The following AUH variants were observed in gnomAD, a reference collection of about 807,000 sequenced individuals.
AUH encodes the protein AU RNA binding methylglutaconyl-CoA hydratase, also known as methylglutaconyl-CoA hydratase, mitochondrial.
A neutral mutation model predicts 42.3 loss-of-function variants in AUH; 29 were observed. That is an observed-to-expected ratio of 0.69 (90% CI 0.51 to 0.93). The LOEUF is 0.93. AUH is among the 40% of genes least tolerant of loss of function. The pLI is 0.00. For synonymous variants in AUH, 174 were observed against 166.4 expected (o/e 1.05, Z -0.35); for missense variants, 452 against 438.1 (o/e 1.03, Z -0.28).
chr9:91,249,350 T>C (rs988261355), intron 6 of AUH, among the ~76,000 whole-genome samples: 1 of 142,986 alleles, frequency 7.0e-6, no homozygotes, highest in Non-Finnish European at 1.5e-5. Flanking sequence ...AACACTGACC[T>C]GGAGTTCTGT....
At position 91,325,317 on chromosome 9, in the gene AUH, C is replaced by G. The variant is rs773652620; in HGVS notation, c.505+1G>C. The G allele has an allele frequency of 4.3e-6, 7 of 1,612,138 alleles. No homozygotes were observed. The South Asian group carries it at 6.6e-5, about 15-fold the overall frequency. Reference sequence around the variant, plus strand: ...TGAAAGAAGAACTTAATAGTGCTTACCAATATCGTTAATCACTGCTCTTAT... The same window carrying G: ...TGAAAGAAGAACTTAATAGTGCTTAGCAATATCGTTAATCACTGCTCTTAT... On this transcript the variant is annotated splice_donor_variant, in intron 4 of 9. Coordinates refer to ENST00000375731, the MANE Select transcript of AUH (RefSeq NM_001698.3). LOFTEE classifies it high-confidence loss of function.
chr9:91,351,896 G>A (rs7871022), intron 3 of AUH, among the ~76,000 whole-genome samples: 2 of 152,202 alleles, frequency 1.3e-5, no homozygotes, highest in South Asian at 2.1e-4. Context: ...TACAGTGACT[G>A]TATTGAATGC....
At chr9:91,339,293 A>T (rs1830924407) in intron 3 of AUH, among the ~76,000 whole-genome samples, 1 of 152,222 alleles carries the variant, frequency 6.6e-6, no homozygotes, top group South Asian at 2.1e-4. Context: ...AAATTGAAAA[A>T]TCGCTAAGTC....
At chr9:91,274,492 C>A (rs1318468486) in intron 6 of AUH, among the ~76,000 whole-genome samples, 7 of 152,168 alleles carry the variant, frequency 4.6e-5, no homozygotes. Context: ...AAACTCAAAT[C>A]CTTTAGGATT....
At chr9:91,246,404 A>G in intron 6 of AUH, among the ~76,000 whole-genome samples, 1 of 152,232 alleles carries the variant, frequency 6.6e-6, no homozygotes, top group Non-Finnish European at 1.5e-5. Flanking sequence ...AGGCACACAC[A>G]TGGCATCCTA....
intron 6 of AUH, among the ~76,000 whole-genome samples, chr9:91,283,522 G>T (rs1375112275): frequency 6.6e-6 from 1 of 152,198 alleles, no homozygotes; most frequent in Non-Finnish European, 1.5e-5. Flanking sequence ...AAGTCAAATT[G>T]TCCCTGTTTG....
intron 9 of AUH, among the ~76,000 whole-genome samples, chr9:91,214,661 G>T (rs996559709): frequency 7.2e-5 from 11 of 152,096 alleles, no homozygotes; most frequent in Non-Finnish European, 1.5e-4. Flanking sequence ...TATCGATTTA[G>T]ATATTTTCTC....
chr9:91,269,428 G>C (rs1018090018), intron 6 of AUH, among the ~76,000 whole-genome samples: 2 of 152,200 alleles, frequency 1.3e-5, no homozygotes, highest in African/African-American at 4.8e-5. Context: ...CAAAAACTAT[G>C]TAGTGACAGA....
intron 6 of AUH, among the ~76,000 whole-genome samples, chr9:91,276,511 T>C (rs142685035): frequency 6.0e-4 from 92 of 152,274 alleles, no homozygotes; most frequent in African/African-American, 2.0e-3. Flanking sequence ...AATGTGACTT[T>C]AATAAAATTA....
intron 6 of AUH, among the ~76,000 whole-genome samples, chr9:91,262,412 G>A (rs978231382): frequency 1.3e-5 from 2 of 152,114 alleles, no homozygotes; most frequent in Non-Finnish European, 2.9e-5. Context: ...CAGCTATTAC[G>A]GTCTTCCCTC....
In AUH at chr9:91,271,349, G is replaced by A. The variant is rs138087249; in HGVS notation, c.655+24672C>T. ...TACATGCAGCTGGTGTCAACCTTCCGTAAATTTCAATCAAAGCTTGACAGC... is the reference window on the plus strand; with the variant it reads ...TACATGCAGCTGGTGTCAACCTTCCATAAATTTCAATCAAAGCTTGACAGC... On this transcript the variant is annotated intron_variant, in intron 6 of 9. Transcript: ENST00000375731. Among the ~76,000 whole-genome samples, 25 of 152,290 alleles carry A rather than the reference G, an allele frequency of 1.6e-4. No homozygotes were observed. In the East Asian group the frequency reaches 4.1e-3, roughly 25 times the overall value.
At position 91,233,727 on chromosome 9, in the gene AUH, C is replaced by T. The variant is rs572074631; in HGVS notation, c.656-12735G>A. Among the ~76,000 whole-genome samples, 10 of 152,278 alleles carry T rather than the reference C, an allele frequency of 6.6e-5. No homozygotes were observed. The South Asian group carries it at 1.0e-3, about 16-fold the overall frequency. ...GGCTACAAAGATCAATAACAAGTAACGCCAGCCTGAGGCTGGACAGGCAGT... is the reference window on the plus strand; with the variant it reads ...GGCTACAAAGATCAATAACAAGTAATGCCAGCCTGAGGCTGGACAGGCAGT... On this transcript the variant is annotated intron_variant, in intron 6 of 9. Coordinates refer to ENST00000375731, the MANE Select transcript of AUH (RefSeq NM_001698.3).
At chr9:91,320,620 G>A (rs142989289) in intron 4 of AUH, among the ~76,000 whole-genome samples, 6 of 152,314 alleles carry the variant, frequency 3.9e-5, no homozygotes, top group Admixed American at 6.5e-5. Flanking sequence ...GGGACTGCCC[G>A]ATTCATAAAT....
intron 3 of AUH, among the ~76,000 whole-genome samples, chr9:91,347,825 GA>G (rs57858839): frequency 4.8e-5 from 7 of 147,038 alleles, no homozygotes; most frequent in Middle Eastern, 3.6e-3. Context: ...ACCATAAAAG[GA>G]AAAAAAAATG....
intron 6 of AUH, among the ~76,000 whole-genome samples, chr9:91,286,130 A>G (rs994337203): frequency 4.6e-5 from 7 of 152,206 alleles, no homozygotes; most frequent in South Asian, 2.1e-4. Context: ...AGGATATTTA[A>G]AAGAATAAGC....
At chr9:91,223,134 C>T (rs777653856) in intron 6 of AUH, among the ~76,000 whole-genome samples, 2 of 152,272 alleles carry the variant, frequency 1.3e-5, no homozygotes, top group East Asian at 1.9e-4. Context: ...GGCGGGCCTG[C>T]GGTGGAGGCT....
At chr9:91,221,144 A>G in intron 6 of AUH, 152 bp from the exon 7 acceptor site, 1 of 837,614 alleles carries the variant, frequency 1.2e-6, no homozygotes, top group Admixed American at 2.5e-5. Context: ...AACAGAATCT[A>G]ATTTCTTAAT....
intron 3 of AUH, among the ~76,000 whole-genome samples, chr9:91,343,693 C>T (rs1395671832): frequency 6.6e-6 from 1 of 152,144 alleles, no homozygotes; most frequent in Non-Finnish European, 1.5e-5. Context: ...GATTACACTG[C>T]TGCACTCCAG....
chr9:91,334,604 G>T (rs545071951), intron 3 of AUH, among the ~76,000 whole-genome samples: 1 of 140,902 alleles, frequency 7.1e-6, no homozygotes, highest in African/African-American at 2.7e-5. Flanking sequence ...CCATAATCCC[G>T]TGAGCCAATT....
Sources: allele counts gnomAD v4.1 joint callset (sites outside exome capture counted in the v4.1 genomes callset), GRCh38; gene constraint gnomAD v4.1.1; transcripts MANE v1.5; gene names NCBI Gene and HGNC (gene_info 2026-07-23, HGNC 2026-07-21).